DPYD: variants seen among roughly 807,000 people sequenced by gnomAD.
DPYD encodes the protein dihydropyrimidine dehydrogenase.
Under a neutral mutation model 116.2 loss-of-function variants are expected in DPYD, and 109 were observed. The observed-to-expected ratio is 0.94, with a 90% CI of 0.80 to 1.10. DPYD has a LOEUF of 1.10. Among genes scored for constraint, DPYD ranks in the 50% least tolerant of loss-of-function variants. The pLI is 0.00. For missense variants in DPYD, 1,302 were observed against 1,254.5 expected, an observed-to-expected ratio of 1.04 and a Z score of -0.57; for synonymous variants, 440 against 432.0, an observed-to-expected ratio of 1.02 and a Z score of -0.23.
intron 12 of DPYD, among the ~76,000 whole-genome samples, chr1:97,526,050 A>C (rs17368837): frequency 0.083 from 12,572 of 151,422 alleles, 641 homozygotes; most frequent in South Asian, 0.1. Context: ...TGACACAAAG[A>C]TTCACCAACA....
At chr1:97,597,036 T>G (rs1396583072) in intron 8 of DPYD, among the ~76,000 whole-genome samples, 1 of 152,166 alleles carries the variant, frequency 6.6e-6, no homozygotes, top group Non-Finnish European at 1.5e-5. Context: ...GGTGGCCGTT[T>G]ATGTGATTCT....
chr1:97,748,605 T>C (rs1470875989), intron 3 of DPYD, among the ~76,000 whole-genome samples: 2 of 151,944 alleles, frequency 1.3e-5, no homozygotes, highest in African/African-American at 2.4e-5. Context: ...CAATACTCCA[T>C]CTCAAATTAA....
At chr1:97,827,972 A>G in intron 3 of DPYD, 142 bp downstream of exon 3, 2 of 783,098 alleles carry the variant, frequency 2.6e-6, no homozygotes, top group Non-Finnish European at 4.3e-6. Flanking sequence ...GTACAGCCTC[A>G]AGGGAAGTCT....
intron 20 of DPYD, among the ~76,000 whole-genome samples, chr1:97,177,354 G>A (rs1424812023): frequency 6.6e-6 from 1 of 152,164 alleles, no homozygotes; most frequent in African/African-American, 2.4e-5. Context: ...TAAAGACTGG[G>A]AAGTATCTAC....
intron 16 of DPYD, among the ~76,000 whole-genome samples, chr1:97,336,468 G>T (rs982405765): frequency 6.6e-6 from 1 of 152,194 alleles, no homozygotes; most frequent in Non-Finnish European, 1.5e-5. Flanking sequence ...AGGAAAGAAG[G>T]CTGGGTGTGA....
At chr1:97,770,790 T>C (rs979180003) in intron 3 of DPYD, among the ~76,000 whole-genome samples, 1 of 152,176 alleles carries the variant, frequency 6.6e-6, no homozygotes, top group South Asian at 2.1e-4. Flanking sequence ...TTTTTTAACA[T>C]TTACTAGTTC....
intron 14 of DPYD, among the ~76,000 whole-genome samples, chr1:97,432,357 T>G (rs1358341836): frequency 1.3e-5 from 2 of 152,160 alleles, no homozygotes; most frequent in East Asian, 3.9e-4. Flanking sequence ...CTCCATCTTG[T>G]CTAGTCTCCC....
At chr1:97,770,985 C>T (rs1347519096) in intron 3 of DPYD, among the ~76,000 whole-genome samples, 1 of 152,002 alleles carries the variant, frequency 6.6e-6, no homozygotes, top group Non-Finnish European at 1.5e-5. Flanking sequence ...GAAATTAAAT[C>T]AAAATGTACG....
chr1:97,243,869 G>T (rs1055756258), intron 18 of DPYD, among the ~76,000 whole-genome samples: 1 of 151,762 alleles, frequency 6.6e-6, no homozygotes, highest in Non-Finnish European at 1.5e-5. Flanking sequence ...AAGTATCCCA[G>T]TTCAGATGAT....
chr1:97,318,946 T>C (rs1453795737), intron 16 of DPYD, among the ~76,000 whole-genome samples: 2 of 132,310 alleles, frequency 1.5e-5, no homozygotes, highest in East Asian at 4.4e-4. Flanking sequence ...GCCGCTCAAC[T>C]ACATGGAAAC....
intron 3 of DPYD, among the ~76,000 whole-genome samples, chr1:97,795,183 G>A (rs992212225): frequency 6.6e-6 from 1 of 151,930 alleles, no homozygotes; most frequent in Non-Finnish European, 1.5e-5. Flanking sequence ...AAAATGGGTG[G>A]CAGAAAAATT....
intron 1 of DPYD, among the ~76,000 whole-genome samples, chr1:97,893,816 T>A (rs1185180679): frequency 6.6e-6 from 1 of 151,526 alleles, no homozygotes; most frequent in East Asian, 2.0e-4. Flanking sequence ...AGTGTGTGAC[T>A]CTCCTTCACT....
In DPYD at chr1:97,609,859, C is replaced by A. The variant is rs189011234; in HGVS notation, c.851-14693G>T. Among the ~76,000 whole-genome samples the A allele has an allele frequency of 4.5e-4, 69 of 152,010 alleles. 1 individual carries two copies. In the East Asian group the frequency reaches 0.01, roughly 22 times the overall value. ...TGCTTTAAAGATTAGTAGGTAATTACTTACCTATCATCCCACCTACACTAC... is the reference window on the plus strand; with the variant it reads ...TGCTTTAAAGATTAGTAGGTAATTAATTACCTATCATCCCACCTACACTAC... On this transcript the variant is annotated intron_variant, in intron 8 of 22. Coordinates refer to ENST00000370192, the MANE Select transcript of DPYD (RefSeq NM_000110.4).
chr1:97,831,405 C>A (rs1054966423), intron 2 of DPYD, among the ~76,000 whole-genome samples: 1 of 152,132 alleles, frequency 6.6e-6, no homozygotes, highest in Admixed American at 6.6e-5. Context: ...CCAGCGGCCT[C>A]CAATCAAAAT....
At chr1:97,643,164 A>C (rs1658036612) in intron 8 of DPYD, among the ~76,000 whole-genome samples, 2 of 152,026 alleles carry the variant, frequency 1.3e-5, no homozygotes, top group African/African-American at 4.8e-5. Context: ...AGAATAGGAG[A>C]ATTTTTTTGT....
intron 3 of DPYD, among the ~76,000 whole-genome samples, chr1:97,769,853 T>A (rs1258562446): frequency 1.3e-5 from 2 of 152,182 alleles, no homozygotes; most frequent in Non-Finnish European, 2.9e-5. Flanking sequence ...TATAAGGTGG[T>A]GAGGACATGG....
intron 18 of DPYD, among the ~76,000 whole-genome samples, chr1:97,277,257 A>T (rs573867798): frequency 8.5e-4 from 130 of 152,196 alleles, no homozygotes; most frequent in Non-Finnish European, 1.6e-3. Context: ...CTCACTGGGT[A>T]CTAAGCTCAC....
At chr1:97,626,168 T>C (rs1442256286) in intron 8 of DPYD, among the ~76,000 whole-genome samples, 2 of 152,014 alleles carry the variant, frequency 1.3e-5, no homozygotes, top group Non-Finnish European at 2.9e-5. Context: ...AAACTCGTAT[T>C]TCCCACGGTG....
chr1:97,710,279 T>C (rs983351828), intron 5 of DPYD, among the ~76,000 whole-genome samples: 3 of 151,854 alleles, frequency 2.0e-5, no homozygotes, highest in African/African-American at 4.8e-5. Flanking sequence ...TTCCTGAAAT[T>C]ACATACCTTC....
Sources: allele counts gnomAD v4.1 joint callset (sites outside exome capture counted in the v4.1 genomes callset), GRCh38; gene constraint gnomAD v4.1.1; transcripts MANE v1.5; gene names NCBI Gene and HGNC (gene_info 2026-07-23, HGNC 2026-07-21).